The following VCAM1 variants were observed in gnomAD, a reference collection of about 807,000 sequenced individuals.
VCAM1 encodes the protein vascular cell adhesion molecule 1, also known as vascular cell adhesion protein 1.
A neutral mutation model predicts 63.8 loss-of-function variants in VCAM1; 41 were observed. That is an observed-to-expected ratio of 0.64 (90% CI 0.50 to 0.83). VCAM1 has a LOEUF of 0.83. VCAM1 is among the 40% of genes least tolerant of loss of function. VCAM1 has a pLI of 0.00. For synonymous variants in VCAM1, 338 were observed against 320.7 expected (o/e 1.05, Z -0.58); for missense variants, 798 against 875.5 (o/e 0.91, Z 1.12).
chr1:100,729,005 G>A (rs1660287020), intron 4 of VCAM1, 102 bp from the exon 5 acceptor site: 6 of 1,335,396 alleles, frequency 4.5e-6, no homozygotes, highest in Non-Finnish European at 5.9e-6. Context: ...ATGGATATTA[G>A]CTGAAAGGAG....
Position 100,725,662 on chromosome 1 carries a change from G to A in VCAM1, c.928+772G>A, listed in dbSNP as rs1055748207. ...CTCAGCATAGTTCATACTTTTCCTG[G>A]GGCTAAATAGCTCTTTAGTTGCATT... On this transcript the variant is annotated intron_variant, in intron 4 of 8. Transcript: ENST00000294728. Among the ~76,000 whole-genome samples, 10 of 151,878 alleles carry A rather than the reference G, an allele frequency of 6.6e-5. No individual in the cohort carries two copies. The South Asian group carries it at 2.1e-3, about 32-fold the overall frequency.
chr1:100,738,008 G>T, intron 8 of VCAM1, 115 bp from the exon 9 acceptor site: 2 of 1,184,676 alleles, frequency 1.7e-6, no homozygotes, highest in Non-Finnish European at 2.4e-6. Flanking sequence ...TCACTGCTTT[G>T]ATTCCCTTCT....
At chr1:100,723,444 A>AGTTT (rs1660042517) in intron 3 of VCAM1, 104 bp downstream of exon 3, 1 of 1,161,360 alleles carries the variant, frequency 8.6e-7, no homozygotes, top group Non-Finnish European at 1.2e-6. Context: ...ACTTGTATAT[A>AGTTT]GTTTGTATTC....
intron 5 of VCAM1, 144 bp downstream of exon 5, chr1:100,729,526 G>C: frequency 9.8e-7 from 1 of 1,025,352 alleles, no homozygotes; most frequent in Non-Finnish European, 1.4e-6. Context: ...ATCTGAATCA[G>C]AATGGTTTGA....
chr1:100,734,680 G>C lies in VCAM1; in HGVS notation c.1971G>C (p.Lys657Asn). The C allele has an allele frequency of 6.2e-7, 1 of 1,613,976 alleles. No individual in the cohort carries two copies. Among genetic ancestry groups the C allele is most frequent in the Non-Finnish European group, 8.5e-7 (1 of 1,179,914 alleles). ...KSIDGAYTIRKAQLKDAGVYE... is the reference protein window; with the variant it reads ...KSIDGAYTIRNAQLKDAGVYE... ...TAGATGGCGCCTATACCATCCGAAA[G>C]GCCCAGTTGAAGGATGCGGGAGTAT... Residue 657 changes from lysine (K) to asparagine (N), a missense_variant, in exon 8 of 9, where the codon AAG becomes AAC. Transcript: ENST00000294728.
intron 4 of VCAM1, among the ~76,000 whole-genome samples, chr1:100,727,351 G>A (rs1390121166): frequency 6.6e-6 from 1 of 151,864 alleles, no homozygotes; most frequent in Non-Finnish European, 1.5e-5. Flanking sequence ...TTTAAACTTG[G>A]ATGATTAAAA....
chr1:100,719,876 G>A lies in VCAM1; in HGVS notation c.16G>A (p.Val6Ile), dbSNP rs1279962103. The A allele has an allele frequency of 6.2e-7, 1 of 1,611,868 alleles. No homozygotes were observed. Among genetic ancestry groups the A allele is most frequent in the South Asian group, 1.1e-5 (1 of 90,896 alleles). The change falls in exon 1 of 9, where the codon GTC becomes ATC. Residue 6 changes from valine (V) to isoleucine (I), a missense_variant. Physicochemically the swap from Val to Ile is conservative, Grantham distance 29. Transcript: ENST00000294728. ...GCAACTTAAAATGCCTGGGAAGATGGTCGTGATCCTTGGAGCCTCAAATAT... is the reference window on the plus strand; with the variant it reads ...GCAACTTAAAATGCCTGGGAAGATGATCGTGATCCTTGGAGCCTCAAATAT... The part of the protein sequence containing the change: MPGKM[V>I]VILGASNILW...
intron 4 of VCAM1, among the ~76,000 whole-genome samples, chr1:100,725,613 C>G (rs1177319132): frequency 6.6e-6 from 1 of 152,000 alleles, no homozygotes; most frequent in East Asian, 1.9e-4. Context: ...TTAATCTTTA[C>G]CACAACACTA....
chr1:100,730,043 C>G (rs1238850299), intron 5 of VCAM1, among the ~76,000 whole-genome samples: 1 of 152,086 alleles, frequency 6.6e-6, no homozygotes, highest in Non-Finnish European at 1.5e-5. Flanking sequence ...GTTCCTCAGT[C>G]CATATTGAAT....
Position 100,724,838 on chromosome 1 carries a change from A to C in VCAM1, c.876A>C (p.Glu292Asp), listed in dbSNP as rs1660102904. Residue 292 changes from glutamate (E) to aspartate (D), a missense_variant, in exon 4 of 9, where the codon GAA becomes GAC. Coordinates refer to ENST00000294728, the MANE Select transcript of VCAM1 (RefSeq NM_001078.4). ...AAGATTCTGGAATTTATGTGTGTGA[A>C]GGAGTTAATTTGATTGGGAAAAACA... ...RMEDSGIYVC[E>D]GVNLIGKNRK... 1.2e-6 allele frequency: 2 copies of C among 1,612,840 alleles called. No homozygotes were observed. The highest frequency in any genetic ancestry group is 2.2e-5 in the South Asian group (2 of 91,048).
At chr1:100,725,546 AT>A (rs1026354597) in intron 4 of VCAM1, among the ~76,000 whole-genome samples, 2 of 152,016 alleles carry the variant, frequency 1.3e-5, no homozygotes, top group African/African-American at 4.8e-5. Context: ...CCACCTATTG[AT>A]TGTACACCTA....
chr1:100,738,041 T>A, intron 8 of VCAM1, 82 bp from the exon 9 acceptor site: 1 of 1,465,384 alleles, frequency 6.8e-7, no homozygotes, highest in Non-Finnish European at 9.4e-7. Flanking sequence ...AGTTGTACTG[T>A]TATAATAAAC....
At chr1:100,722,080 C>A (rs1659974285) in intron 2 of VCAM1, among the ~76,000 whole-genome samples, 1 of 152,022 alleles carries the variant, frequency 6.6e-6, no homozygotes, top group African/African-American at 2.4e-5. Flanking sequence ...TGTCTCCTTT[C>A]CGCATTTGAT....
Position 100,732,468 on chromosome 1 carries a change from G to T in VCAM1, c.1576G>T (p.Glu526Ter). The T allele has an allele frequency of 6.2e-7, 1 of 1,609,526 alleles. No individual in the cohort carries two copies. The highest frequency in any genetic ancestry group is 8.5e-7 in the Non-Finnish European group (1 of 1,178,330). The change falls in exon 7 of 9, where the codon GAA (glutamate) becomes TAA (stop). Residue 526 changes from glutamate (E) to a stop codon, truncating the protein, a stop_gained. Coordinates refer to ENST00000294728, the MANE Select transcript of VCAM1 (RefSeq NM_001078.4). LOFTEE classifies it high-confidence loss of function. Reference sequence around the variant, plus strand: ...GGTCAGCCCTTCCTCCATCCTGGAGGAAGGCAGTTCTGTGAATATGACATG... The same window carrying T: ...GGTCAGCCCTTCCTCCATCCTGGAGTAAGGCAGTTCTGTGAATATGACATG... ...VLVSPSSILE[E>*]GSSVNMTCLS...
At position 100,738,232 on chromosome 1, in the gene VCAM1, C is replaced by G; in HGVS notation, c.2169C>G (p.Ala723=). ...IGMIIYFARK[A]NMKGSYSLVE... is the part of the protein sequence containing the mutation. ...TGATAATTTACTTTGCAAGAAAAGC[C>G]AACATGAAGGGGTCATATAGTCTTG... is the stretch of plus-strand genomic sequence containing the variant. Residue 723 remains alanine, a synonymous_variant, in exon 9 of 9, where the codon GCC becomes GCG. Coordinates refer to ENST00000294728, the MANE Select transcript of VCAM1 (RefSeq NM_001078.4). The G allele has an allele frequency of 6.2e-7, 1 of 1,613,696 alleles. No individual in the cohort carries two copies. Among genetic ancestry groups the G allele is most frequent in the South Asian group, 1.1e-5 (1 of 91,046 alleles).
At chr1:100,722,540 C>G (rs1477566368) in intron 2 of VCAM1, among the ~76,000 whole-genome samples, 1 of 151,980 alleles carries the variant, frequency 6.6e-6, no homozygotes, top group Non-Finnish European at 1.5e-5. Flanking sequence ...TCTGTAGTAG[C>G]AAAACACAAT....
intron 8 of VCAM1, 153 bp from the exon 9 acceptor site, chr1:100,737,970 C>A (rs577536262): frequency 1.5e-4 from 111 of 746,034 alleles, no homozygotes; most frequent in Middle Eastern, 1.2e-3. Context: ...TTCAGACAAA[C>A]ATGCATCTTG....
At chr1:100,733,493 C>T (rs999680589) in intron 7 of VCAM1, among the ~76,000 whole-genome samples, 4 of 152,166 alleles carry the variant, frequency 2.6e-5, no homozygotes, top group East Asian at 1.9e-4. Flanking sequence ...AGACAATACA[C>T]ATCCTTAAAA....
chr1:100,720,362 C>T, intron 1 of VCAM1, 114 bp from the exon 2 acceptor site: 2 of 1,378,252 alleles, frequency 1.5e-6, no homozygotes, highest in South Asian at 1.5e-5. Flanking sequence ...TAGTTTGAAG[C>T]AGCTTAGGAA....
Sources: allele counts gnomAD v4.1 joint callset (sites outside exome capture counted in the v4.1 genomes callset), GRCh38; gene constraint gnomAD v4.1.1; transcripts MANE v1.5; gene names NCBI Gene and HGNC (gene_info 2026-07-23, HGNC 2026-07-21).